The following ANKRD11 variants were observed in gnomAD, a reference collection of about 807,000 sequenced individuals.
ANKRD11 encodes the protein ankyrin repeat domain-containing protein 11.
Under a neutral mutation model 195.7 loss-of-function variants are expected in ANKRD11, and 17 were observed. The observed-to-expected ratio is 0.09, with a 90% CI of 0.06 to 0.13. ANKRD11 has a LOEUF of 0.13. Ranked by LOEUF, ANKRD11 falls within the 10% of genes least tolerant of loss-of-function variation. ANKRD11 has a pLI of 1.00. For synonymous variants in ANKRD11, 1,953 were observed against 1,528.1 expected (o/e 1.28, Z -6.49); for missense variants, 3,735 against 3,566.1 (o/e 1.05, Z -1.21).
chr16:89,479,082 T>C (rs1008339575), intron 1 of ANKRD11, among the ~76,000 whole-genome samples: 11 of 152,254 alleles, frequency 7.2e-5, no homozygotes, highest in African/African-American at 2.2e-4. Context: ...GTGTAACTAG[T>C]GGGTCCTCCT....
At chr16:89,332,723 G>A (rs192424719) in intron 2 of ANKRD11, among the ~76,000 whole-genome samples, 1 of 152,310 alleles carries the variant, frequency 6.6e-6, no homozygotes, top group East Asian at 1.9e-4. Flanking sequence ...GGTCTGCACT[G>A]CCCTCTCTGA....
chr16:89,309,250 G>T (rs911250571), intron 3 of ANKRD11, among the ~76,000 whole-genome samples: 3 of 152,218 alleles, frequency 2.0e-5, no homozygotes, highest in African/African-American at 7.2e-5. Flanking sequence ...GCCACGAAGG[G>T]AGAGAATGCC....
intron 7 of ANKRD11, 186 bp from the exon 8 acceptor site, chr16:89,286,372 G>C (rs2034646044): frequency 1.2e-6 from 1 of 840,452 alleles, no homozygotes; most frequent in Admixed American, 2.2e-5. Context: ...TGGTGGGCGA[G>C]GCTGTGGCTC....
At chr16:89,482,499 C>T (rs1261227545) in intron 1 of ANKRD11, among the ~76,000 whole-genome samples, 1 of 152,166 alleles carries the variant, frequency 6.6e-6, no homozygotes, top group East Asian at 1.9e-4. Context: ...GAAAAACCTC[C>T]AGCTTGCTCA....
chr16:89,306,797 CTCCGCAGACACGCGCCACCTCCCAT>C lies in ANKRD11; in HGVS notation c.88-1478_88-1454del, dbSNP rs1567617510. ...GCAGACACGCGCCACCTACCTCCCA[CTCCGCAGACACGCGCCACCTCCCAT>C]TCCACAGACACGCGCCACTTACCTC... On this transcript the variant is annotated intron_variant, in intron 3 of 12. Coordinates refer to ENST00000301030, the MANE Select transcript of ANKRD11 (RefSeq NM_013275.6). Among the ~76,000 whole-genome samples, 10 of 11,196 alleles carry C rather than the reference CTCCGCAGACACGCGCCACCTCCCAT, an allele frequency of 8.9e-4. 1 individual carries two copies. The highest frequency in any genetic ancestry group is 5.0e-3 in the African/African-American group (10 of 1,982). 7.3% of individuals were successfully genotyped at this position (11,196 alleles called of 152,430 possible).
At chr16:89,407,183 C>T (rs1037159097) in intron 2 of ANKRD11, among the ~76,000 whole-genome samples, 4 of 150,584 alleles carry the variant, frequency 2.7e-5, no homozygotes, top group African/African-American at 9.8e-5. Context: ...GAAACCCCGT[C>T]TCAAAAAGAT....
chr16:89,395,258 G>T (rs1173892461), intron 2 of ANKRD11, among the ~76,000 whole-genome samples: 1 of 152,236 alleles, frequency 6.6e-6, no homozygotes, highest in South Asian at 2.1e-4. Flanking sequence ...TGAGCCCCAG[G>T]GAAGGGCTGC....
At chr16:89,413,397 G>A (rs982936956) in intron 2 of ANKRD11, among the ~76,000 whole-genome samples, 7 of 152,138 alleles carry the variant, frequency 4.6e-5, no homozygotes, top group Admixed American at 1.3e-4. Flanking sequence ...AGGCTGAGGT[G>A]GGCAGATCAC....
intron 1 of ANKRD11, among the ~76,000 whole-genome samples, chr16:89,470,834 C>CA (rs1472248128): frequency 4.6e-5 from 7 of 151,048 alleles, no homozygotes; most frequent in Non-Finnish European, 7.4e-5. Flanking sequence ...CTAAAAAATA[C>CA]AAAAAAAAAT....
At position 89,286,443 on chromosome 16, in the gene ANKRD11, A is replaced by C. The variant is rs1247560096; in HGVS notation, c.745-257T>G. ...CACCCCTCCTGTGCTCTCCTTCAGAAGGGCTCTGCCTCCTTTGGATTTTTT... is the reference window on the plus strand; with the variant it reads ...CACCCCTCCTGTGCTCTCCTTCAGACGGGCTCTGCCTCCTTTGGATTTTTT... On this transcript the variant is annotated intron_variant, in intron 7 of 12. Transcript: ENST00000301030. 10 of 606,138 alleles carry C rather than the reference A, an allele frequency of 1.6e-5. No homozygotes were observed. The East Asian group carries it at 2.9e-4, about 18-fold the overall frequency. 37.5% of individuals were successfully genotyped at this position (606,138 alleles called of 1,614,324 possible).
chr16:89,296,354 T>C (rs2035436924), intron 4 of ANKRD11, among the ~76,000 whole-genome samples: 1 of 152,154 alleles, frequency 6.6e-6, no homozygotes, highest in Non-Finnish European at 1.5e-5. Flanking sequence ...CCGAGGTGCC[T>C]GTTAAGCTGC....
chr16:89,305,407 T>C (rs2036127786), intron 3 of ANKRD11, 63 bp from the exon 4 acceptor site: 2 of 1,610,142 alleles, frequency 1.2e-6, no homozygotes, highest in Non-Finnish European at 1.7e-6. Flanking sequence ...CTCTCAAGAT[T>C]TTGTTTCATA....
rs563478835 is a variant in ANKRD11 at position 89,485,125 on chromosome 16, G to A, written c.-145+5120C>T. Among the ~76,000 whole-genome samples, 89 of 152,204 alleles carry A rather than the reference G, an allele frequency of 5.8e-4. 1 individual carries two copies. Among genetic ancestry groups the A allele is most frequent in the African/African-American group, 2.1e-3 (87 of 41,530 alleles). On this transcript the variant is annotated intron_variant, in intron 1 of 12. Coordinates refer to ENST00000301030, the MANE Select transcript of ANKRD11 (RefSeq NM_013275.6). ...AAAATCTCAGCCATACAGACAGGAC[G>A]GCTTACTTTTATTTTCACACTGAAA...
chr16:89,302,199 G>A (rs1455116215), intron 4 of ANKRD11, among the ~76,000 whole-genome samples: 4 of 152,210 alleles, frequency 2.6e-5, no homozygotes, highest in Admixed American at 2.0e-4. Context: ...GAGAGCCACA[G>A]CGCCCAGCAG....
At chr16:89,409,872 C>T (rs748673948) in intron 2 of ANKRD11, among the ~76,000 whole-genome samples, 12 of 143,046 alleles carry the variant, frequency 8.4e-5, no homozygotes, top group Non-Finnish European at 1.5e-4. Flanking sequence ...GGGAGTCTCG[C>T]TCTGTCGCCC....
intron 3 of ANKRD11, among the ~76,000 whole-genome samples, chr16:89,316,482 G>C (rs1279476494): frequency 6.6e-6 from 1 of 152,228 alleles, no homozygotes; most frequent in Non-Finnish European, 1.5e-5. Flanking sequence ...CCAGGAATCA[G>C]CGTTAACCGC....
intron 1 of ANKRD11, among the ~76,000 whole-genome samples, chr16:89,464,629 G>GAAAAGA (rs2056821341): frequency 7.0e-6 from 1 of 143,622 alleles, no homozygotes; most frequent in South Asian, 2.2e-4. Flanking sequence ...AAAAAGAAAA[G>GAAAAGA]AAAAGAAAAA....
intron 2 of ANKRD11, among the ~76,000 whole-genome samples, chr16:89,385,851 C>A (rs2040885094): frequency 6.6e-6 from 1 of 152,242 alleles, no homozygotes. Context: ...CAGACACCAG[C>A]GGCTCGCCAA....
At chr16:89,396,940 G>C (rs571499367) in intron 2 of ANKRD11, among the ~76,000 whole-genome samples, 12 of 120,800 alleles carry the variant, frequency 9.9e-5, no homozygotes, top group African/African-American at 3.3e-4. Flanking sequence ...AGCTGCCTCG[G>C]TTTCCCAGAG....
Sources: allele counts gnomAD v4.1 joint callset (sites outside exome capture counted in the v4.1 genomes callset), GRCh38; gene constraint gnomAD v4.1.1; transcripts MANE v1.5; gene names NCBI Gene and HGNC (gene_info 2026-07-23, HGNC 2026-07-21).